The following TMEM232 variants were observed in gnomAD, a reference collection of about 807,000 sequenced individuals.
The protein encoded by TMEM232 is transmembrane protein 232.
Under a neutral mutation model 78.8 loss-of-function variants are expected in TMEM232, and 80 were observed. The observed-to-expected ratio is 1.01, with a 90% confidence interval of 0.85 to 1.22. TMEM232 has a LOEUF of 1.22. Ranked by LOEUF, TMEM232 falls within the 50% of genes most tolerant of loss-of-function variation. TMEM232 has a pLI of 0.00. For synonymous variants in TMEM232, 297 were observed against 254.3 expected, an observed-to-expected ratio of 1.17 and a Z score of -1.60; for missense variants, 881 against 742.2, an observed-to-expected ratio of 1.19 and a Z score of -2.17.
intron 2 of TMEM232, among the ~76,000 whole-genome samples, chr5:110,644,025 T>C (rs766726441): frequency 4.6e-5 from 7 of 152,010 alleles, no homozygotes; most frequent in Admixed American, 2.0e-4. Context: ...AAGTTTTGCA[T>C]TGCGGATACA....
intron 11 of TMEM232, among the ~76,000 whole-genome samples, chr5:110,532,212 C>G (rs1039494697): frequency 2.0e-4 from 30 of 152,040 alleles, no homozygotes; most frequent in Non-Finnish European, 5.9e-5. Flanking sequence ...AGAAATCGGA[C>G]TGTTCAACTC....
intron 7 of TMEM232, among the ~76,000 whole-genome samples, chr5:110,621,283 T>A (rs998603283): frequency 1.3e-5 from 2 of 152,190 alleles, no homozygotes; most frequent in Non-Finnish European, 1.5e-5. Flanking sequence ...ACATATATCA[T>A]CAGTGCAGAA....
At chr5:110,453,284 G>T (rs80273289) in intron 12 of TMEM232, among the ~76,000 whole-genome samples, 1 of 151,864 alleles carries the variant, frequency 6.6e-6, no homozygotes. Context: ...AATTTCTACC[G>T]CATACTTTTT....
chr5:110,479,269 T>A (rs2149391951), intron 12 of TMEM232, among the ~76,000 whole-genome samples: 1 of 152,000 alleles, frequency 6.6e-6, no homozygotes, highest in Admixed American at 6.6e-5. Flanking sequence ...TTTTAATCAT[T>A]TGACTTAGAT....
At chr5:110,725,587 G>C (rs2150361392) in intron 1 of TMEM232, 1 of 152,242 alleles carries the variant, frequency 6.6e-6, no homozygotes, top group African/African-American at 2.4e-5. Flanking sequence ...ATAAAAATCT[G>C]CTACCTTCAA....
At chr5:110,429,715 TC>T (rs1350556844) in intron 12 of TMEM232, among the ~76,000 whole-genome samples, 9 of 151,748 alleles carry the variant, frequency 5.9e-5, no homozygotes, top group African/African-American at 2.2e-4. Flanking sequence ...TTGAATGTCT[TC>T]CCCCCTTATC....
chr5:110,733,899 G>A (rs1798925242), intron 2 of TMEM232, among the ~76,000 whole-genome samples: 1 of 152,236 alleles, frequency 6.6e-6, no homozygotes, highest in South Asian at 2.1e-4. Context: ...TCCAGTAGAG[G>A]TTAAAGAAGA....
At chr5:110,522,327 T>C (rs1185704995) in intron 12 of TMEM232, among the ~76,000 whole-genome samples, 1 of 152,198 alleles carries the variant, frequency 6.6e-6, no homozygotes, top group Non-Finnish European at 1.5e-5. Flanking sequence ...TGGTGGAGTC[T>C]CTAGGGTTAC....
At chr5:110,541,076 T>C (rs965997397) in intron 11 of TMEM232, among the ~76,000 whole-genome samples, 1 of 152,050 alleles carries the variant, frequency 6.6e-6, no homozygotes, top group African/African-American at 2.4e-5. Context: ...AGGATCCTGG[T>C]GGTACATGGG....
intron 2 of TMEM232, among the ~76,000 whole-genome samples, chr5:110,645,178 A>G (rs1216214624): frequency 6.6e-6 from 1 of 151,672 alleles, no homozygotes; most frequent in South Asian, 2.1e-4. Context: ...CAACTCTGTT[A>G]AACTCTTGCA....
chr5:110,607,443 T>A (rs1781660065), intron 8 of TMEM232, among the ~76,000 whole-genome samples: 1 of 152,038 alleles, frequency 6.6e-6, no homozygotes, highest in Non-Finnish European at 1.5e-5. Flanking sequence ...TAATACTATT[T>A]GTCTCCTTTT....
In TMEM232 at chr5:110,605,108, C is replaced by T. The variant is rs1561370672; in HGVS notation, c.1276+1G>A. On this transcript the variant is annotated splice_donor_variant, in intron 10 of 13. Transcript: ENST00000455884. LOFTEE classifies it high-confidence loss of function. ...ATCAAAGTAAAAAACAATCTACTTA[C>T]AGTTCTCTGACATTTTTGAAGAGAA... 32 of 1,537,196 alleles carry T rather than the reference C, an allele frequency of 2.1e-5. No individual in the cohort carries two copies. The highest frequency in any genetic ancestry group is 2.5e-5 in the Non-Finnish European group (28 of 1,138,688).
intron 12 of TMEM232, among the ~76,000 whole-genome samples, chr5:110,517,778 A>G (rs1768889289): frequency 6.6e-6 from 1 of 152,200 alleles, no homozygotes; most frequent in South Asian, 2.1e-4. Context: ...GAAAAACTGG[A>G]TAAGCAGATA....
At chr5:110,417,048 A>C, downstream of TMEM232, among the ~76,000 whole-genome samples, 1 of 152,212 alleles carries the variant, frequency 6.6e-6, no homozygotes, top group East Asian at 1.9e-4. Context: ...ATGAGGCAGC[A>C]TGTGTGAAAG....
chr5:110,483,068 T>C (rs1764062470), intron 12 of TMEM232, among the ~76,000 whole-genome samples: 1 of 152,152 alleles, frequency 6.6e-6, no homozygotes, highest in African/African-American at 2.4e-5. Flanking sequence ...TTTTTTTCTA[T>C]CTTAGTTTAA....
chr5:110,570,861 G>A (rs774084769), intron 10 of TMEM232, among the ~76,000 whole-genome samples: 5 of 151,952 alleles, frequency 3.3e-5, no homozygotes, highest in Non-Finnish European at 7.4e-5. Flanking sequence ...ATTACTGTCT[G>A]TCTTTCTAAT....
At chr5:110,665,322 T>A (rs1319242051) in intron 2 of TMEM232, among the ~76,000 whole-genome samples, 2 of 152,174 alleles carry the variant, frequency 1.3e-5, no homozygotes, top group Admixed American at 1.3e-4. Flanking sequence ...TGAAGCGGGC[T>A]GTATAGGTAG....
chr5:110,492,563 C>T (rs1765227832), intron 12 of TMEM232, among the ~76,000 whole-genome samples: 1 of 151,890 alleles, frequency 6.6e-6, no homozygotes, highest in Non-Finnish European at 1.5e-5. Context: ...AATACTACAA[C>T]TATTCTTATG....
rs144453392 is a variant in TMEM232, at chr5:110,714,174, T to C, written c.-13+12453A>G. 2.6e-3 allele frequency among the ~76,000 whole-genome samples: 399 copies of C among 152,268 alleles called. 2 individuals carry two copies. Among genetic ancestry groups the C allele is most frequent in the African/African-American group, 4.4e-3 (184 of 41,552 alleles). ...TTAACTGAGAGTATAATTTGGCAAGTTGGAACTCCCTGCTGCAGGGCTGGA... is the reference window on the plus strand; with the variant it reads ...TTAACTGAGAGTATAATTTGGCAAGCTGGAACTCCCTGCTGCAGGGCTGGA... On this transcript the variant is annotated intron_variant, in intron 1 of 13. Coordinates refer to ENST00000455884, the MANE Select transcript of TMEM232 (RefSeq NM_001039763.4).
Sources: gnomAD v4.1 joint callset for allele counts (sites outside exome capture counted in the v4.1 genomes callset) on GRCh38, gnomAD v4.1.1 for gene constraint, MANE v1.5 for transcripts, NCBI Gene and HGNC (gene_info 2026-07-23, HGNC 2026-07-21) for gene names.